The following GGNBP2 variants were observed in gnomAD, a reference collection of about 807,000 sequenced individuals.
GGNBP2 encodes gametogenetin-binding protein 2.
In GGNBP2, 10 loss-of-function variants were observed where a neutral mutation model predicts 85.9. That is an observed-to-expected ratio of 0.12 (90% CI 0.07 to 0.20). GGNBP2 has a LOEUF of 0.20. Among genes scored for constraint, GGNBP2 ranks in the 10% least tolerant of loss-of-function variants. GGNBP2 has a pLI of 1.00. For missense variants in GGNBP2, 595 were observed against 857.8 expected (o/e 0.69, Z 3.83); for synonymous variants, 287 against 285.7 (o/e 1.00, Z -0.05).
chr17:36,585,097 G>A (rs1038306976), intron 9 of GGNBP2, among the ~76,000 whole-genome samples: 1 of 152,154 alleles, frequency 6.6e-6, no homozygotes, highest in Non-Finnish European at 1.5e-5. Flanking sequence ...GTGATTCTTA[G>A]CACACTTTGG....
At position 36,560,786 on chromosome 17, in the gene GGNBP2, G is replaced by T. The variant is rs2074409532; in HGVS notation, c.442G>T (p.Asp148Tyr). 1.3e-6 allele frequency: 2 copies of T among 1,561,432 alleles called. No homozygotes were observed. Among genetic ancestry groups the T allele is most frequent in the Middle Eastern group, 3.4e-4 (2 of 5,868 alleles). ...LFYVHGSKLN[D>Y]MIDAIPKSKK... ...ATTTTTAATTAGGTCCAAACTAAAT[G>T]ACATGATAGATGCTATTCCAAAAAG... The change falls in exon 5 of 14, where the codon GAC becomes TAC. Residue 148 changes from aspartate to tyrosine, a missense_variant. Physicochemically the swap from Asp to Tyr is radical, Grantham distance 160. Coordinates refer to ENST00000613102, the MANE Select transcript of GGNBP2 (RefSeq NM_024835.5).
chr17:36,553,328 CTATT>C (rs970111682), intron 2 of GGNBP2, among the ~76,000 whole-genome samples: 6 of 152,276 alleles, frequency 3.9e-5, no homozygotes, highest in South Asian at 2.1e-4. Context: ...CCTTTAGTAT[CTATT>C]TGTCTCTGTA....
intron 1 of GGNBP2, 132 bp from the exon 2 acceptor site, chr17:36,545,487 A>G (rs2074241832): frequency 2.3e-6 from 1 of 432,386 alleles, no homozygotes; most frequent in Admixed American, 4.2e-5. Flanking sequence ...TGATTGGCTG[A>G]GCGTGTGTGG....
intron 6 of GGNBP2, among the ~76,000 whole-genome samples, chr17:36,569,909 G>C (rs1054916863): frequency 4.6e-5 from 7 of 152,180 alleles, no homozygotes; most frequent in Non-Finnish European, 1.0e-4. Context: ...AACATTTTTA[G>C]ATGGATTTTA....
chr17:36,555,134 A>G (rs911574068), intron 3 of GGNBP2, among the ~76,000 whole-genome samples: 2 of 152,206 alleles, frequency 1.3e-5, no homozygotes, highest in Non-Finnish European at 2.9e-5. Flanking sequence ...ATAAGACTTT[A>G]ATTTTAAAAC....
rs1267767588 is a variant in GGNBP2 at position 36,544,979 on chromosome 17, C to G, written c.-225C>G. 1 of 152,608 alleles carries G rather than the reference C, an allele frequency of 6.6e-6. No individual in the cohort carries two copies. The highest frequency in any genetic ancestry group is 1.5e-5 in the Non-Finnish European group (1 of 68,042). 9.5% of individuals were successfully genotyped at this position (152,608 alleles called of 1,614,324 possible). A position where few individuals can be genotyped will look rare whatever the true frequency, so the allele number is the denominator to read the frequency against. On this transcript the variant is annotated 5_prime_UTR_variant, in exon 1 of 14. Coordinates refer to ENST00000613102, the MANE Select transcript of GGNBP2 (RefSeq NM_024835.5). Reference sequence around the variant, plus strand: ...AGGAAACGACATTCGGAGCTGCGCTCCCGCCCACGCCGGCCCTGACGCGGG... The same window carrying G: ...AGGAAACGACATTCGGAGCTGCGCTGCCGCCCACGCCGGCCCTGACGCGGG...
At chr17:36,571,072 C>T (rs1028473788) in intron 6 of GGNBP2, among the ~76,000 whole-genome samples, 1 of 152,114 alleles carries the variant, frequency 6.6e-6, no homozygotes, top group Non-Finnish European at 1.5e-5. Context: ...TGATCTTAGT[C>T]AAAAGGCTGA....
chr17:36,583,622 C>A (rs2074673236), intron 9 of GGNBP2, among the ~76,000 whole-genome samples: 1 of 152,000 alleles, frequency 6.6e-6, no homozygotes, highest in Non-Finnish European at 1.5e-5. Context: ...CCATGCCCGG[C>A]TAATTTTTTT....
chr17:36,589,564 A>G lies in GGNBP2; in HGVS notation c.*153A>G. On this transcript the variant is annotated 3_prime_UTR_variant, in exon 14 of 14. Transcript: ENST00000613102. ...TTTGGGAGACGGTGGAGGTATCCTC[A>G]TTAGTTCTTTCTTCAGGCTTGTGTC... 1 of 623,568 alleles carries G rather than the reference A, an allele frequency of 1.6e-6. No homozygotes were observed. Among genetic ancestry groups the G allele is most frequent in the Non-Finnish European group, 2.8e-6 (1 of 356,386 alleles). The allele number at this position is 623,568 out of a possible 1,614,324, so 38.6% of individuals were successfully genotyped here. A position where few individuals can be genotyped will look rare whatever the true frequency, so the allele number is the denominator to read the frequency against.
At chr17:36,576,620 T>C (rs1359113229) in intron 6 of GGNBP2, 2 of 120,906 alleles carry the variant, frequency 1.7e-5, no homozygotes, top group African/African-American at 7.1e-5. Flanking sequence ...TGTGTGTGTG[T>C]GTGTGTGTGT....
At position 36,575,224 on chromosome 17, in the gene GGNBP2, G is replaced by C. The variant is rs2074565031; in HGVS notation, c.642-2759G>C. On this transcript the variant is annotated intron_variant, in intron 6 of 13. Coordinates refer to ENST00000613102, the MANE Select transcript of GGNBP2 (RefSeq NM_024835.5). ...GGCCTCAGCCGCGGCCTCAGCCCCA[G>C]CCCCGGCCCCGGATGCCACTGCCGA... 7.8e-6 allele frequency: 5 copies of C among 637,136 alleles called. No individual in the cohort carries two copies. In the South Asian group the frequency reaches 8.0e-5, roughly 10 times the overall value. 39.5% of individuals were successfully genotyped at this position (637,136 alleles called of 1,614,324 possible).
chr17:36,585,430 G>C lies in GGNBP2; in HGVS notation c.1346G>C (p.Gly449Ala), dbSNP rs1311732996. Residue 449 changes from glycine to alanine, a missense_variant, in exon 10 of 14, where the codon GGG becomes GCG. By Grantham distance (60) the Gly-to-Ala change is moderately conservative (BLOSUM62 0). Transcript: ENST00000613102. ...CTCPSSGNLL[G>A]SPKIKKGLSP... Reference sequence around the variant, plus strand: ...TGTCCTAGCAGTGGCAATCTTTTGGGGTCCCCTAAAATAAAGAAAGGTAAG... The same window carrying C: ...TGTCCTAGCAGTGGCAATCTTTTGGCGTCCCCTAAAATAAAGAAAGGTAAG... 3 of 1,599,116 alleles carry C rather than the reference G, an allele frequency of 1.9e-6. No individual in the cohort carries two copies. The highest frequency in any genetic ancestry group is 2.3e-5 in the East Asian group (1 of 44,366).
chr17:36,563,498 AT>A (rs533946739), intron 5 of GGNBP2, among the ~76,000 whole-genome samples: 1 of 150,916 alleles, frequency 6.6e-6, no homozygotes. Flanking sequence ...ATATATGGAC[AT>A]TTTTTTTCAC....
rs769374057 is a variant in GGNBP2, at chr17:36,581,486, A to T, written c.1163A>T (p.Asp388Val). ...KNRRKNKCVCDIPTPLQTADE... is the reference protein window; with the variant it reads ...KNRRKNKCVCVIPTPLQTADE... ...AGACGAAAAAATAAGTGTGTGTGTG[A>T]TATTCCTACTCCCTTACAAACAGCA... Residue 388 changes from aspartate to valine, a missense_variant, in exon 9 of 14, where the codon GAT (aspartate) becomes GTT (valine). This residue lies in a region of GGNBP2 where 85 missense variants were observed against 92.6 expected (regional missense o/e 0.92). Coordinates refer to ENST00000613102, the MANE Select transcript of GGNBP2 (RefSeq NM_024835.5). 8.1e-6 allele frequency: 13 copies of T among 1,613,414 alleles called. No homozygotes were observed. The highest frequency in any genetic ancestry group is 2.2e-5 in the South Asian group (2 of 90,928).
Position 36,587,121 on chromosome 17 carries a change from A to T in GGNBP2, c.1766A>T (p.Glu589Val). The T allele has an allele frequency of 6.2e-7, 1 of 1,614,058 alleles. No individual in the cohort carries two copies. Among genetic ancestry groups the T allele is most frequent in the Non-Finnish European group, 8.5e-7 (1 of 1,180,002 alleles). ...CATCCTGAAAGCTGTTGCAGCTCTG[A>T]AAAGGGTGGGCAGCCATTGCCTTGG... ...DTHPESCCSS[E>V]KGGQPLPWFE... Residue 589 changes from glutamate (E) to valine (V), a missense_variant, in exon 13 of 14, where the codon GAA (glutamate) becomes GTA (valine). Transcript: ENST00000613102.
At chr17:36,558,538 C>T (rs1409210019) in intron 4 of GGNBP2, among the ~76,000 whole-genome samples, 2 of 151,216 alleles carry the variant, frequency 1.3e-5, no homozygotes, top group African/African-American at 4.9e-5. Context: ...TCACTGCAAC[C>T]ACTGCCTCCC....
intron 6 of GGNBP2, chr17:36,577,446 A>ACCACTTTCCCATTCTTCTCCCCACC (rs2074602589): frequency 6.5e-6 from 1 of 153,208 alleles, no homozygotes; most frequent in African/African-American, 2.4e-5. Context: ...AAATGCACAC[A>ACCACTTTCCCATTCTTCTCCCCACC]CCACTTTCCC....
rs140552410 is a variant in GGNBP2, at chr17:36,554,855, C to T, written c.129C>T (p.Leu43=). The change falls in exon 3 of 14, where the codon CTC becomes CTT. Residue 43 remains leucine (L), a synonymous_variant. Coordinates refer to ENST00000613102, the MANE Select transcript of GGNBP2 (RefSeq NM_024835.5). ...AATTTCCTGATAATGTGTTAAATCT[C>T]GATGGACATCAGAATAATGGTGCAC... ...VMEFPDNVLN[L]DGHQNNGAQL... 395 of 1,610,230 alleles carry T rather than the reference C, an allele frequency of 2.5e-4. 1 individual carries two copies. The highest frequency in any genetic ancestry group is 3.1e-4 in the Non-Finnish European group (370 of 1,176,516).
At chr17:36,584,078 G>A (rs1176900448) in intron 9 of GGNBP2, among the ~76,000 whole-genome samples, 1 of 152,180 alleles carries the variant, frequency 6.6e-6, no homozygotes, top group African/African-American at 2.4e-5. Flanking sequence ...CCAAAATTCT[G>A]ATTGTTGTTT....
Sources: gnomAD v4.1 joint callset for allele counts (sites outside exome capture counted in the v4.1 genomes callset) on GRCh38, gnomAD v4.1.1 for gene constraint, gnomAD v4.1.1 regional missense constraint, MANE v1.5 for transcripts, NCBI Gene and HGNC (gene_info 2026-07-23, HGNC 2026-07-21) for gene names.